PCNX2: variants seen among roughly 807,000 people sequenced by gnomAD.
The protein encoded by PCNX2 is pecanex 2.
Under a neutral mutation model 223.8 loss-of-function variants are expected in PCNX2, and 168 were observed. That is an observed-to-expected ratio of 0.75 (90% CI 0.66 to 0.85). PCNX2 has a LOEUF of 0.85. Among genes scored for constraint, PCNX2 ranks in the 40% least tolerant of loss-of-function variants. The pLI is 0.00. For synonymous variants in PCNX2, 1,006 were observed against 1,052.6 expected (o/e 0.96, Z 0.86); for missense variants, 2,507 against 2,675.5 (o/e 0.94, Z 1.39).
chr1:233,041,340 T>C (rs764798871), intron 25 of PCNX2, among the ~76,000 whole-genome samples: 2 of 152,210 alleles, frequency 1.3e-5, no homozygotes, highest in Non-Finnish European at 2.9e-5. Context: ...AAATCTTAAA[T>C]GCTCCAAAAT....
intron 9 of PCNX2, 80 bp from the exon 10 acceptor site, chr1:233,227,451 TACAC>T: frequency 1.6e-6 from 2 of 1,216,638 alleles, no homozygotes; most frequent in Non-Finnish European, 2.3e-6. Context: ...TATATATGTA[TACAC>T]ACACACACAT....
At chr1:233,194,067 AT>A (rs1248227417) in intron 15 of PCNX2, among the ~76,000 whole-genome samples, 61 of 135,422 alleles carry the variant, frequency 4.5e-4, no homozygotes, top group African/African-American at 1.7e-3. Context: ...CCTAAGTAAA[AT>A]AAAAAAAAAA....
chr1:233,135,329 T>G, intron 20 of PCNX2, 139 bp from the exon 21 acceptor site: 9 of 778,848 alleles, frequency 1.2e-5, no homozygotes, highest in South Asian at 1.9e-5. Flanking sequence ...GGGGCCCCAT[T>G]ATTGTCTGCA....
At chr1:233,318,149 G>A in the PCNX2 span, among the ~76,000 whole-genome samples, 1,955 of 152,202 alleles carry the variant, frequency 0.013, 36 homozygotes, top group African/African-American at 0.045. Context: ...GGCCTGATAT[G>A]GGCAATCCTA....
the PCNX2 span, among the ~76,000 whole-genome samples, chr1:233,326,380 T>G: frequency 1.3e-5 from 2 of 152,244 alleles, no homozygotes; most frequent in East Asian, 3.8e-4. Context: ...TTATTTGTAT[T>G]GTTATTTTTT....
At chr1:233,033,860 ATGTT>A (rs1459236812) in intron 25 of PCNX2, among the ~76,000 whole-genome samples, 1 of 152,138 alleles carries the variant, frequency 6.6e-6, no homozygotes, top group African/African-American at 2.4e-5. Context: ...AATGGACTGA[ATGTT>A]TGTGTCTCAC....
intron 26 of PCNX2, among the ~76,000 whole-genome samples, chr1:233,018,473 C>T (rs973399826): frequency 6.6e-6 from 1 of 152,158 alleles, no homozygotes; most frequent in Non-Finnish European, 1.5e-5. Context: ...ACTTATGAGT[C>T]CCACTTGGGG....
intron 25 of PCNX2, among the ~76,000 whole-genome samples, chr1:233,036,451 G>A (rs936882458): frequency 6.6e-6 from 1 of 152,040 alleles, no homozygotes; most frequent in African/African-American, 2.4e-5. Flanking sequence ...CCAACATAGT[G>A]AAACCCCATC....
chr1:233,186,453 C>T (rs1050896245), intron 15 of PCNX2, among the ~76,000 whole-genome samples: 6 of 152,090 alleles, frequency 3.9e-5, no homozygotes, highest in Non-Finnish European at 7.4e-5. Flanking sequence ...ACACGGCCTG[C>T]GGAGTGTCAT....
chr1:233,274,001 C>G (rs539140246), intron 1 of PCNX2, among the ~76,000 whole-genome samples: 1 of 152,282 alleles, frequency 6.6e-6, no homozygotes, highest in South Asian at 2.1e-4. Context: ...TTTAATACTA[C>G]TAGGACATTT....
chr1:233,072,869 G>A (rs1672918124), intron 23 of PCNX2, among the ~76,000 whole-genome samples: 1 of 152,136 alleles, frequency 6.6e-6, no homozygotes, highest in African/African-American at 2.4e-5. Flanking sequence ...CTCTGGCTTT[G>A]GTGTCAGGAT....
chr1:233,146,788 G>T (rs1014674744), intron 19 of PCNX2, among the ~76,000 whole-genome samples: 1 of 152,198 alleles, frequency 6.6e-6, no homozygotes, highest in Admixed American at 6.5e-5. Flanking sequence ...GCACCATTTG[G>T]ATGGGGGAGT....
intron 25 of PCNX2, among the ~76,000 whole-genome samples, chr1:233,041,503 C>T (rs988824661): frequency 6.6e-6 from 1 of 152,204 alleles, no homozygotes; most frequent in Non-Finnish European, 1.5e-5. Flanking sequence ...TTATAAAAGT[C>T]ACCCAGCAGA....
At chr1:233,249,383 G>C (rs997084904) in intron 8 of PCNX2, among the ~76,000 whole-genome samples, 1 of 152,210 alleles carries the variant, frequency 6.6e-6, no homozygotes, top group South Asian at 2.1e-4. Flanking sequence ...TTTCAAAGCT[G>C]CGTTCTCATG....
chr1:233,206,816 G>C (rs1191592935), intron 13 of PCNX2, among the ~76,000 whole-genome samples: 1 of 151,980 alleles, frequency 6.6e-6, no homozygotes, highest in African/African-American at 2.4e-5. Context: ...GGTCAGACCA[G>C]CCTGGCCAAT....
chr1:233,048,084 A>G lies in PCNX2; in HGVS notation c.4351+6184T>C, dbSNP rs188012633. ...TCTTAAAACCACATACTTACATAGA[A>G]ATTAAACAACTTGTTCCTGAATGAC... On this transcript the variant is annotated intron_variant, in intron 25 of 33. Transcript: ENST00000258229. Among the ~76,000 whole-genome samples the G allele has an allele frequency of 1.2e-4, 18 of 152,326 alleles. No homozygotes were observed. The East Asian group carries it at 3.5e-3, about 29-fold the overall frequency.
intron 21 of PCNX2, among the ~76,000 whole-genome samples, chr1:233,103,172 T>A (rs1230531036): frequency 6.6e-6 from 1 of 152,136 alleles, no homozygotes; most frequent in Non-Finnish European, 1.5e-5. Context: ...GGTGTATATA[T>A]TTATGGGATA....
At chr1:233,054,602 A>G (rs1014324671) in intron 24 of PCNX2, 119 bp from the exon 25 acceptor site, 2 of 792,898 alleles carry the variant, frequency 2.5e-6, no homozygotes, top group African/African-American at 1.7e-5. Context: ...TATACATAAA[A>G]GAGGAAAGAT....
intron 19 of PCNX2, among the ~76,000 whole-genome samples, chr1:233,143,118 A>G (rs893139811): frequency 2.0e-5 from 3 of 152,240 alleles, no homozygotes; most frequent in Non-Finnish European, 4.4e-5. Flanking sequence ...GATGTCCCAA[A>G]GGAACTTTCA....
Sources: allele counts gnomAD v4.1 joint callset (sites outside exome capture counted in the v4.1 genomes callset), GRCh38; gene constraint gnomAD v4.1.1; transcripts MANE v1.5; gene names NCBI Gene and HGNC (gene_info 2026-07-23, HGNC 2026-07-21).